IKBKB: variants seen among roughly 807,000 people sequenced by gnomAD.
IKBKB encodes the protein inhibitor of nuclear factor kappa B kinase subunit beta.
In IKBKB, 42 loss-of-function variants were observed where a neutral mutation model predicts 113.6. The ratio of observed to expected loss-of-function variants is 0.37; its 90% confidence interval spans 0.29 to 0.48. The LOEUF (loss-of-function observed/expected upper bound fraction) is 0.48, where lower values mean the gene tolerates loss of function less well. Ranked by LOEUF, IKBKB falls within the 20% of genes least tolerant of loss-of-function variation. The pLI, the probability that IKBKB is intolerant of heterozygous loss-of-function variation, is 0.99. For synonymous variants in IKBKB, 296 were observed against 361.3 expected (o/e 0.82, Z 2.05); for missense variants, 673 against 939.7 (o/e 0.72, Z 3.71).
At chr8:42,302,013 GATACTCTCCA>G (rs1298514574) in intron 5 of IKBKB, among the ~76,000 whole-genome samples, 1 of 152,130 alleles carries the variant, frequency 6.6e-6, no homozygotes, top group Non-Finnish European at 1.5e-5. Context: ...ATTACATCCT[GATACTCTCCA>G]GCAGTCTGTC....
chr8:42,311,790 T>C (rs950744477), intron 8 of IKBKB, among the ~76,000 whole-genome samples: 8 of 152,310 alleles, frequency 5.3e-5, no homozygotes, highest in African/African-American at 1.7e-4. Context: ...TTCTGGAATA[T>C]TGAGGAATTT....
In IKBKB at chr8:42,322,082, A is replaced by T; in HGVS notation, c.1767A>T (p.Glu589Asp). ...AGCGAACTGAGGGTGACAGTCAGGA[A>T]ATGGTACGGCTGCTGCTTCAGGCAA... ...RDQRTEGDSQEMVRLLLQAIQ... is the reference protein window; with the variant it reads ...RDQRTEGDSQDMVRLLLQAIQ... The change falls in exon 18 of 22, where the codon GAA (glutamate) becomes GAT (aspartate). Residue 589 changes from glutamate (E) to aspartate (D), a missense_variant. This residue lies in a region of IKBKB where 506 missense variants were observed against 638.7 expected (regional missense o/e 0.79). Coordinates refer to ENST00000520810, the MANE Select transcript of IKBKB (RefSeq NM_001556.3). The T allele has an allele frequency of 6.2e-7, 1 of 1,613,946 alleles. No individual in the cohort carries two copies. Among genetic ancestry groups the T allele is most frequent in the Non-Finnish European group, 8.5e-7 (1 of 1,179,958 alleles).
At chr8:42,321,485 A>G (rs1819772503) in intron 16 of IKBKB, 1 of 160,258 alleles carries the variant, frequency 6.2e-6, no homozygotes, top group Non-Finnish European at 1.4e-5. Flanking sequence ...ATTTTCTCTA[A>G]TTAACCCTTT....
chr8:42,327,212 C>T (rs1290531108), intron 20 of IKBKB, among the ~76,000 whole-genome samples: 1 of 151,958 alleles, frequency 6.6e-6, no homozygotes, highest in Non-Finnish European at 1.5e-5. Flanking sequence ...ACTTAATTTT[C>T]TCTTGGCTGT....
intron 4 of IKBKB, 133 bp from the exon 5 acceptor site, chr8:42,293,310 C>T (rs1269757696): frequency 1.4e-5 from 15 of 1,051,702 alleles, no homozygotes; most frequent in Non-Finnish European, 2.1e-5. Context: ...GCCCTGGCTT[C>T]CTCAAAAGCA....
intron 4 of IKBKB, among the ~76,000 whole-genome samples, chr8:42,290,806 A>ATCTGTGGG (rs1812462330): frequency 6.6e-6 from 1 of 152,268 alleles, no homozygotes; most frequent in Middle Eastern, 3.4e-3. Flanking sequence ...ACCTGGACTC[A>ATCTGTGGG]TCTGTGGGGC....
intron 21 of IKBKB, chr8:42,329,610 G>C (rs1821425278): frequency 1.0e-6 from 1 of 983,338 alleles, no homozygotes; most frequent in Non-Finnish European, 1.2e-6. Context: ...TTTAATCCTT[G>C]GAACACTTAA....
At chr8:42,327,330 CTTT>C (rs397767670) in intron 20 of IKBKB, among the ~76,000 whole-genome samples, 1 of 105,424 alleles carries the variant, frequency 9.5e-6, no homozygotes, top group Non-Finnish European at 1.8e-5. Flanking sequence ...CTCTCTCTCT[CTTT>C]TTTTTTTTTT....
In IKBKB at chr8:42,316,576, C is replaced by A; in HGVS notation, c.931-134C>A. The A allele has an allele frequency of 1.1e-6, 1 of 930,128 alleles. No homozygotes were observed. Among genetic ancestry groups the A allele is most frequent in the Non-Finnish European group, 1.6e-6 (1 of 626,296 alleles). 57.6% of individuals were successfully genotyped at this position (930,128 alleles called of 1,614,324 possible). A position where few individuals can be genotyped will look rare whatever the true frequency, so the allele number is the denominator to read the frequency against. On this transcript the variant is annotated intron_variant, in intron 10 of 21. Transcript: ENST00000520810. The surrounding 1 kb of genome is among the most constrained non-coding windows in gnomAD (Gnocchi z 4.5). ...AAATATGCGAAACATGGCACATGAC[C>A]TCCCTCCCTCAAGCTAGGCCCTTGC...
chr8:42,274,721 C>T (rs891868466), intron 2 of IKBKB, among the ~76,000 whole-genome samples: 3 of 130,562 alleles, frequency 2.3e-5, no homozygotes, highest in Admixed American at 9.6e-5. Context: ...TTAATAGAGA[C>T]GGGGTTTCAC....
intron 7 of IKBKB, among the ~76,000 whole-genome samples, chr8:42,308,278 T>C (rs1388795324): frequency 3.9e-5 from 2 of 51,420 alleles, no homozygotes; most frequent in African/African-American, 6.3e-5. Flanking sequence ...CTTTTTTTTT[T>C]TTTCCTTTTT....
chr8:42,298,697 G>A (rs1020731563), intron 5 of IKBKB, among the ~76,000 whole-genome samples: 2 of 152,166 alleles, frequency 1.3e-5, no homozygotes, highest in Non-Finnish European at 2.9e-5. Flanking sequence ...AGCCTTGGGC[G>A]AGGCATGGAA....
At chr8:42,288,301 C>T (rs952824315) in intron 2 of IKBKB, among the ~76,000 whole-genome samples, 4 of 151,808 alleles carry the variant, frequency 2.6e-5, no homozygotes, top group Non-Finnish European at 5.9e-5. Flanking sequence ...GCACAAGAAT[C>T]ACTTGAACAC....
At chr8:42,313,090 G>A (rs1818027474) in intron 8 of IKBKB, among the ~76,000 whole-genome samples, 1 of 152,136 alleles carries the variant, frequency 6.6e-6, no homozygotes, top group Non-Finnish European at 1.5e-5. Flanking sequence ...AGAGTACTTG[G>A]TTATCTATGA....
At chr8:42,305,139 GA>G in intron 5 of IKBKB, 47 bp from the exon 6 acceptor site, 1 of 1,281,682 alleles carries the variant, frequency 7.8e-7, no homozygotes, top group Non-Finnish European at 1.1e-6. Flanking sequence ...ATTCTGTCAT[GA>G]AAAGCATTTT....
intron 5 of IKBKB, among the ~76,000 whole-genome samples, chr8:42,302,971 G>A (rs1442054442): frequency 3.3e-5 from 5 of 151,948 alleles, no homozygotes; most frequent in African/African-American, 1.2e-4. Flanking sequence ...AGGCTTTTCC[G>A]TTACCCTGCA....
intron 2 of IKBKB, among the ~76,000 whole-genome samples, chr8:42,286,219 C>G (rs919700963): frequency 2.0e-5 from 3 of 152,052 alleles, no homozygotes; most frequent in South Asian, 4.2e-4. Flanking sequence ...GGCATGGAGT[C>G]TGCTGTTCCA....
chr8:42,331,338 T>C lies in IKBKB; in HGVS notation c.*359T>C, dbSNP rs1303548479. ...GCCATGGCAGCTCCTTCCTCTGCCGTGAGAAAAGTGCTTGGAGTACGGTTT... is the reference window on the plus strand; with the variant it reads ...GCCATGGCAGCTCCTTCCTCTGCCGCGAGAAAAGTGCTTGGAGTACGGTTT... On this transcript the variant is annotated 3_prime_UTR_variant, in exon 22 of 22. Coordinates refer to ENST00000520810, the MANE Select transcript of IKBKB (RefSeq NM_001556.3). 1.4e-6 allele frequency: 1 copy of C among 702,718 alleles called. No individual in the cohort carries two copies. The highest frequency in any genetic ancestry group is 2.7e-5 in the East Asian group (1 of 37,296). 43.5% of individuals were successfully genotyped at this position (702,718 alleles called of 1,614,324 possible).
chr8:42,330,117 G>A (rs1821495528), intron 21 of IKBKB: 3 of 985,284 alleles, frequency 3.0e-6, no homozygotes, highest in Non-Finnish European at 3.6e-6. Context: ...CATGTGGTGA[G>A]GCTGGAAATC....
Sources: allele counts gnomAD v4.1 joint callset (sites outside exome capture counted in the v4.1 genomes callset), GRCh38; gene constraint gnomAD v4.1.1; regional missense constraint gnomAD v4.1.1; non-coding constraint Gnocchi (gnomAD v3.1); transcripts MANE v1.5; gene names NCBI Gene and HGNC (gene_info 2026-07-23, HGNC 2026-07-21).